The following TRAPPC12 variants were observed in gnomAD, a reference collection of about 807,000 sequenced individuals.
The protein encoded by TRAPPC12 is trafficking protein particle complex subunit 12.
In TRAPPC12, 61 loss-of-function variants were observed where a neutral mutation model predicts 69.2. The ratio of observed to expected loss-of-function variants is 0.88; its 90% CI spans 0.72 to 1.09. The LOEUF (loss-of-function observed/expected upper bound fraction) is 1.09, where lower values mean the gene tolerates loss of function less well. Ranked by LOEUF, TRAPPC12 falls within the 50% of genes least tolerant of loss-of-function variation. The pLI is 0.00. For synonymous variants in TRAPPC12, 469 were observed against 438.9 expected, an observed-to-expected ratio of 1.07 and a Z score of -0.86; for missense variants, 1,101 against 1,016.4, an observed-to-expected ratio of 1.08 and a Z score of -1.13.
intron 8 of TRAPPC12, among the ~76,000 whole-genome samples, chr2:3,464,338 G>A (rs180905258): frequency 3.9e-5 from 6 of 152,292 alleles, no homozygotes; most frequent in African/African-American, 1.2e-4. Context: ...AGCTGTACTC[G>A]AAGGTACTAG....
intron 8 of TRAPPC12, among the ~76,000 whole-genome samples, chr2:3,464,185 TCACA>T (rs139564157): frequency 2.6e-5 from 4 of 151,794 alleles, no homozygotes; most frequent in African/African-American, 7.3e-5. Context: ...TACACAATGC[TCACA>T]CACGCTTACA....
intron 7 of TRAPPC12, among the ~76,000 whole-genome samples, chr2:3,458,827 AG>A (rs1465580587): frequency 2.6e-5 from 4 of 152,316 alleles, no homozygotes; most frequent in Middle Eastern, 3.4e-3. Context: ...TAAGGAGGGT[AG>A]GGGAGGATTT....
Position 3,388,046 on chromosome 2 carries a change from C to T in TRAPPC12, c.423C>T (p.Gly141=), listed in dbSNP as rs769738096. ...AGGACGCGGCCCGCGAGGTCCCAGG[C>T]AGCGAAGCCGCGCGCCCGGAGCAGG... The part of the protein sequence containing the change: ...PRQDAAREVP[G]SEAARPEQEP... The change falls in exon 2 of 12, where the codon GGC becomes GGT. Residue 141 remains glycine, a synonymous_variant. Coordinates refer to ENST00000324266, the MANE Select transcript of TRAPPC12 (RefSeq NM_016030.6). 6.7e-7 allele frequency: 1 copy of T among 1,500,662 alleles called. No individual in the cohort carries two copies. Among genetic ancestry groups the T allele is most frequent in the East Asian group, 2.7e-5 (1 of 37,228 alleles). 93.0% of individuals were successfully genotyped at this position (1,500,662 alleles called of 1,614,324 possible). A position where few individuals can be genotyped will look rare whatever the true frequency, so the allele number is the denominator to read the frequency against.
chr2:3,447,871 C>A (rs560558729), intron 6 of TRAPPC12, among the ~76,000 whole-genome samples: 1 of 152,278 alleles, frequency 6.6e-6, no homozygotes, highest in South Asian at 2.1e-4. Flanking sequence ...TTTCCCAGAC[C>A]TTCACAACTC....
chr2:3,426,686 ATTTC>A (rs1663121465), intron 5 of TRAPPC12, among the ~76,000 whole-genome samples: 1 of 151,658 alleles, frequency 6.6e-6, no homozygotes, highest in Non-Finnish European at 1.5e-5. Flanking sequence ...TCCCTGGGGT[ATTTC>A]TTCTCCTGCA....
In TRAPPC12 at chr2:3,414,028, C is replaced by G. The variant is rs1662204597; in HGVS notation, c.1165-7853C>G. Reference sequence around the variant, plus strand: ...CTAGTTCAGGCCTTGTTTCCTTGTGCCTTGTTCACTAAGCCAGCTCAGTAT... The same window carrying G: ...CTAGTTCAGGCCTTGTTTCCTTGTGGCTTGTTCACTAAGCCAGCTCAGTAT... On this transcript the variant is annotated intron_variant, in intron 3 of 11. Coordinates refer to ENST00000324266, the MANE Select transcript of TRAPPC12 (RefSeq NM_016030.6). This position sits in a 1 kb window ranked among gnomAD's most constrained non-coding sequence, Gnocchi z 4.9. Among the ~76,000 whole-genome samples, 2 of 152,062 alleles carry G rather than the reference C, an allele frequency of 1.3e-5. No homozygotes were observed. The highest frequency in any genetic ancestry group is 2.9e-5 in the Non-Finnish European group (2 of 68,020).
At chr2:3,445,194 G>GAA (rs61413889) in intron 6 of TRAPPC12, among the ~76,000 whole-genome samples, 151,216 of 152,282 alleles carry the variant, frequency 0.99, 75,083 homozygotes, top group Middle Eastern at 1. Flanking sequence ...TCCTGGTCCT[G>GAA]TTATGTCCTA....
intron 3 of TRAPPC12, among the ~76,000 whole-genome samples, chr2:3,420,511 G>A (rs1662716952): frequency 6.6e-6 from 1 of 152,238 alleles, no homozygotes; most frequent in African/African-American, 2.4e-5. Flanking sequence ...AGGTGGGACA[G>A]ATGACCTCAG....
At position 3,478,945 on chromosome 2, in the gene TRAPPC12, A is replaced by G; in HGVS notation, c.1965+12A>G. 6.2e-7 allele frequency: 1 copy of G among 1,612,100 alleles called. No homozygotes were observed. The highest frequency in any genetic ancestry group is 1.1e-5 in the South Asian group (1 of 91,026). ...CAAGAAACGCAGTGGTAAGATCCCC[A>G]AGCTGCAGGATCCTCCATCCTCTGC... On this transcript the variant is annotated intron_variant, in intron 11 of 11. Coordinates refer to ENST00000324266, the MANE Select transcript of TRAPPC12 (RefSeq NM_016030.6).
chr2:3,439,678 G>A (rs1278108561), intron 5 of TRAPPC12, among the ~76,000 whole-genome samples: 2 of 152,118 alleles, frequency 1.3e-5, no homozygotes, highest in Admixed American at 6.5e-5. Flanking sequence ...CAGAGCATAC[G>A]TGTTTAATTT....
intron 3 of TRAPPC12, among the ~76,000 whole-genome samples, chr2:3,415,867 C>T (rs1472189010): frequency 6.6e-6 from 1 of 152,158 alleles, no homozygotes; most frequent in Admixed American, 6.5e-5. Context: ...CAGGCGCCCA[C>T]CACCACGCCT....
In TRAPPC12 at chr2:3,421,351, C is replaced by T. The variant is rs530910055; in HGVS notation, c.1165-530C>T. ...GTATACTGTGCATTGCCACACGGGCCTGGAACATGTTGTGTTCACCCAGTT... is the reference window on the plus strand; with the variant it reads ...GTATACTGTGCATTGCCACACGGGCTTGGAACATGTTGTGTTCACCCAGTT... On this transcript the variant is annotated intron_variant, in intron 3 of 11. Coordinates refer to ENST00000324266, the MANE Select transcript of TRAPPC12 (RefSeq NM_016030.6). 5.9e-5 allele frequency among the ~76,000 whole-genome samples: 9 copies of T among 152,298 alleles called. No homozygotes were observed. In the South Asian group the frequency reaches 1.9e-3, roughly 32 times the overall value.
At chr2:3,383,608 T>C (rs1390381599) in intron 1 of TRAPPC12, among the ~76,000 whole-genome samples, 6 of 151,750 alleles carry the variant, frequency 4.0e-5, no homozygotes, top group African/African-American at 1.2e-4. Context: ...GGTTTTACCA[T>C]GTCGGCCAGG....
At chr2:3,383,973 G>A (rs1461260226) in intron 1 of TRAPPC12, among the ~76,000 whole-genome samples, 1 of 131,930 alleles carries the variant, frequency 7.6e-6, no homozygotes. Flanking sequence ...TCGGCTCACT[G>A]CAACCTCCGC....
chr2:3,441,937 A>T (rs776003654), intron 5 of TRAPPC12, among the ~76,000 whole-genome samples: 12 of 152,188 alleles, frequency 7.9e-5, no homozygotes, highest in Non-Finnish European at 1.3e-4. Context: ...TACATCCAGA[A>T]GCACCCCCAT....
chr2:3,469,231 G>A (rs546787357), intron 9 of TRAPPC12, among the ~76,000 whole-genome samples: 2 of 152,240 alleles, frequency 1.3e-5, no homozygotes, highest in South Asian at 4.1e-4. Flanking sequence ...TAATTATACG[G>A]TCTCTAAACT....
chr2:3,435,293 C>T (rs972906455), intron 5 of TRAPPC12, among the ~76,000 whole-genome samples: 11 of 152,182 alleles, frequency 7.2e-5, no homozygotes, highest in Admixed American at 7.2e-4. Context: ...GGATTACAGG[C>T]GTGAGCCACC....
At chr2:3,401,979 T>C in intron 3 of TRAPPC12, 86 bp downstream of exon 3, 1 of 929,614 alleles carries the variant, frequency 1.1e-6, no homozygotes, top group South Asian at 2.1e-5. Context: ...GTCAATTATT[T>C]TGAATATTAT....
chr2:3,421,647 G>T (rs747475627), intron 3 of TRAPPC12: 1,029 of 708,820 alleles, frequency 1.5e-3, no homozygotes, highest in Non-Finnish European at 2.2e-3. Context: ...TGATTTGATC[G>T]GCTTGAACTG....
Sources: allele counts gnomAD v4.1 joint callset (sites outside exome capture counted in the v4.1 genomes callset), GRCh38; gene constraint gnomAD v4.1.1; non-coding constraint Gnocchi (gnomAD v3.1); transcripts MANE v1.5; gene names NCBI Gene and HGNC (gene_info 2026-07-23, HGNC 2026-07-21).